Variants in SNX18 observed in about 807,000 individuals in gnomAD.
SNX18 encodes sorting nexin-18.
SNX18 carries 35 observed loss-of-function variants against 48.7 expected under a neutral mutation model. That is an observed-to-expected ratio of 0.72 (90% confidence interval 0.55 to 0.95). SNX18 has a LOEUF of 0.95. Ranked by LOEUF, SNX18 falls within the 40% of genes least tolerant of loss-of-function variation. The pLI is 0.00. For synonymous variants in SNX18, 492 were observed against 384.7 expected (o/e 1.28, Z -3.26); for missense variants, 824 against 871.0 (o/e 0.95, Z 0.68).
the SNX18 span, among the ~76,000 whole-genome samples, chr5:54,624,620 A>G: frequency 6.6e-6 from 1 of 152,340 alleles, no homozygotes; most frequent in South Asian, 2.1e-4. Context: ...CAACGTTTCA[A>G]AATTGAACTG....
At chr5:54,565,466 G>A in the SNX18 span, among the ~76,000 whole-genome samples, 1 of 152,084 alleles carries the variant, frequency 6.6e-6, no homozygotes, top group Non-Finnish European at 1.5e-5. Context: ...CCAGTTACTG[G>A]GGAGGTTGAG....
the SNX18 span, among the ~76,000 whole-genome samples, chr5:54,619,096 T>C: frequency 2.0e-5 from 3 of 152,126 alleles, no homozygotes; most frequent in African/African-American, 7.2e-5. Flanking sequence ...GACACTGTGG[T>C]GTCAAAGATT....
At chr5:54,614,447 G>A in the SNX18 span, among the ~76,000 whole-genome samples, 8,030 of 152,214 alleles carry the variant, frequency 0.053, 282 homozygotes, top group Non-Finnish European at 0.082. Context: ...ATTATAGTGA[G>A]ATAAAGTACT....
At chr5:54,586,653 T>C in the SNX18 span, among the ~76,000 whole-genome samples, 1 of 152,230 alleles carries the variant, frequency 6.6e-6, no homozygotes, top group Non-Finnish European at 1.5e-5. Context: ...AATCCATTCA[T>C]GAGCGCGGAG....
chr5:54,624,574 A>G, the SNX18 span, among the ~76,000 whole-genome samples: 5 of 152,228 alleles, frequency 3.3e-5, no homozygotes, highest in East Asian at 9.6e-4. Flanking sequence ...CTTCAGGGAT[A>G]TTTTGGAAGA....
At position 54,518,298 on chromosome 5, in the gene SNX18, C is replaced by G. The variant is rs1038526014; in HGVS notation, c.346C>G (p.Pro116Ala). The G allele has an allele frequency of 8.4e-5, 128 of 1,521,402 alleles. No homozygotes were observed. The highest frequency in any genetic ancestry group is 1.1e-4 in the Non-Finnish European group (126 of 1,138,022). The allele number at this position is 1,521,402 out of a possible 1,614,324, so 94.2% of individuals were successfully genotyped here. Residue 116 changes from proline to alanine, a missense_variant, in exon 1 of 2, where the codon CCG becomes GCG. Transcript: ENST00000381410. ...GCTGCAGCCACAGCAGGCGCCGCCTCCGAGCACCTTCCAGCCGCCCGGCGC... is the reference window on the plus strand; with the variant it reads ...GCTGCAGCCACAGCAGGCGCCGCCTGCGAGCACCTTCCAGCCGCCCGGCGC... ...ALLQPQQAPP[P>A]STFQPPGAGF...
rs1213097047 is a variant in SNX18, at chr5:54,545,153, C to T, written c.*1721C>T. The T allele has an allele frequency of 6.6e-6, 1 of 152,154 alleles. No individual in the cohort carries two copies. Among genetic ancestry groups the T allele is most frequent in the Non-Finnish European group, 1.5e-5 (1 of 68,016 alleles). The allele number at this position is 152,154 out of a possible 1,614,324, so 9.4% of individuals were successfully genotyped here. A position where few individuals can be genotyped will look rare whatever the true frequency, so the allele number is the denominator to read the frequency against. On this transcript the variant is annotated 3_prime_UTR_variant, in exon 2 of 2. Transcript: ENST00000381410. ...GGTTACTTAGAGCCAGATTTAACAT[C>T]ATGAACATTATGTGGCTTTGTCTTT... is the stretch of plus-strand genomic sequence containing the variant.
the SNX18 span, among the ~76,000 whole-genome samples, chr5:54,568,191 T>G: frequency 6.6e-6 from 1 of 152,216 alleles, no homozygotes; most frequent in Non-Finnish European, 1.5e-5. Context: ...AAAGACCTCA[T>G]TTGTCATGCC....
At chr5:54,583,937 T>A in the SNX18 span, among the ~76,000 whole-genome samples, 3 of 152,108 alleles carry the variant, frequency 2.0e-5, no homozygotes. Flanking sequence ...ATGGTGCTGC[T>A]ACACCTGCTG....
rs779665216 is a variant in SNX18, at chr5:54,518,145, G to A, written c.193G>A (p.Gly65Ser). Residue 65 changes from glycine (G) to serine (S), a missense_variant, in exon 1 of 2, where the codon GGC becomes AGC. This residue lies in a region of SNX18 where 377 missense variants were observed against 350.6 expected (regional missense o/e 1.08). Transcript: ENST00000381410. ...YVQVIRAPEP[G>S]PAGDGGPGAP... ...GCAGGTGATCCGCGCCCCCGAGCCT[G>A]GCCCGGCGGGAGACGGCGGCCCGGG... The A allele has an allele frequency of 7.5e-5, 105 of 1,405,006 alleles. No individual in the cohort carries two copies. Among genetic ancestry groups the A allele is most frequent in the Non-Finnish European group, 9.6e-5 (104 of 1,085,834 alleles). The allele number at this position is 1,405,006 out of a possible 1,614,324, so 87.0% of individuals were successfully genotyped here. A position where few individuals can be genotyped will look rare whatever the true frequency, so the allele number is the denominator to read the frequency against.
the SNX18 span, among the ~76,000 whole-genome samples, chr5:54,608,831 C>A: frequency 6.6e-6 from 1 of 152,114 alleles, no homozygotes; most frequent in Non-Finnish European, 1.5e-5. Context: ...CACACTCAGC[C>A]CTTGGTGTCT....
the SNX18 span, among the ~76,000 whole-genome samples, chr5:54,607,044 T>C: frequency 1.8e-4 from 27 of 152,276 alleles, no homozygotes; most frequent in Admixed American, 1.7e-3. Flanking sequence ...ATTTCAAAAA[T>C]GTTATATAAA....
chr5:54,642,035 C>T, the SNX18 span, among the ~76,000 whole-genome samples: 2 of 152,180 alleles, frequency 1.3e-5, no homozygotes, highest in African/African-American at 4.8e-5. Flanking sequence ...GACTGAGAGA[C>T]GGACCTGAGT....
At chr5:54,642,473 C>A in the SNX18 span, among the ~76,000 whole-genome samples, 1 of 151,900 alleles carries the variant, frequency 6.6e-6, no homozygotes, top group Non-Finnish European at 1.5e-5. Context: ...GGGATGTCAT[C>A]TCTCAGCTGG....
the SNX18 span, among the ~76,000 whole-genome samples, chr5:54,627,856 G>A: frequency 6.6e-6 from 1 of 152,194 alleles, no homozygotes; most frequent in Non-Finnish European, 1.5e-5. Flanking sequence ...CTGTAAGGAT[G>A]AGAACCCATA....
the SNX18 span, among the ~76,000 whole-genome samples, chr5:54,616,404 A>AT: frequency 1 from 152,340 of 152,342 alleles, 76,169 homozygotes; most frequent in Non-Finnish European, 1. Flanking sequence ...GAAATAGACT[A>AT]TGCATTATTA....
the SNX18 span, among the ~76,000 whole-genome samples, chr5:54,577,702 C>T: frequency 6.6e-6 from 1 of 152,150 alleles, no homozygotes; most frequent in African/African-American, 2.4e-5. Context: ...GTCCAGCATA[C>T]GCTGAGGTTT....
At chr5:54,643,474 C>T in the SNX18 span, 1 of 152,086 alleles carries the variant, frequency 6.6e-6, no homozygotes, top group Non-Finnish European at 1.5e-5. Context: ...GATGGTTGAA[C>T]CCATCTAAAT....
At chr5:54,548,739 A>G (rs1448346796), downstream of SNX18, among the ~76,000 whole-genome samples, 2 of 152,214 alleles carry the variant, frequency 1.3e-5, no homozygotes, top group Non-Finnish European at 2.9e-5. Flanking sequence ...TCTATTCCTG[A>G]ACATCATGTG....
Sources: allele counts gnomAD v4.1 joint callset (sites outside exome capture counted in the v4.1 genomes callset), GRCh38; gene constraint gnomAD v4.1.1; regional missense constraint gnomAD v4.1.1; transcripts MANE v1.5; gene names NCBI Gene and HGNC (gene_info 2026-07-23, HGNC 2026-07-21).